Variants in PDE1C observed in about 807,000 individuals in gnomAD.
The protein encoded by PDE1C is phosphodiesterase 1C.
A neutral mutation model predicts 93.1 loss-of-function variants in PDE1C; 62 were observed. The observed-to-expected ratio is 0.67, with a 90% CI of 0.54 to 0.82. PDE1C has a LOEUF of 0.82. PDE1C is among the 40% of genes least tolerant of loss of function. PDE1C has a pLI of 0.00. For missense variants in PDE1C, 742 were observed against 884.6 expected (o/e 0.84, Z 2.04); for synonymous variants, 325 against 310.1 (o/e 1.05, Z -0.50).
intron 3 of PDE1C, among the ~76,000 whole-genome samples, chr7:32,101,193 A>G (rs186799365): frequency 2.4e-3 from 361 of 152,338 alleles, no homozygotes; most frequent in Middle Eastern, 6.8e-3. Flanking sequence ...TGTGACATCA[A>G]CCAGCAAAGT....
intron 2 of PDE1C, among the ~76,000 whole-genome samples, chr7:31,927,098 T>C (rs1452819206): frequency 6.6e-6 from 1 of 152,138 alleles, no homozygotes; most frequent in Non-Finnish European, 1.5e-5. Flanking sequence ...AATCTGAAGT[T>C]GACCTGGGAC....
chr7:32,117,819 A>G (rs1395556247), intron 3 of PDE1C, among the ~76,000 whole-genome samples: 1 of 152,198 alleles, frequency 6.6e-6, no homozygotes, highest in African/African-American at 2.4e-5. Flanking sequence ...GATAAATTAA[A>G]TTGGTCTCGT....
intron 3 of PDE1C, among the ~76,000 whole-genome samples, chr7:32,087,195 T>C (rs1797145862): frequency 6.8e-6 from 1 of 148,106 alleles, no homozygotes; most frequent in Non-Finnish European, 1.5e-5. Flanking sequence ...GCGAAGGATA[T>C]GAATAGAGAC....
chr7:31,643,676 A>G, the PDE1C span: 2 of 1,613,934 alleles, frequency 1.2e-6, no homozygotes, highest in African/African-American at 2.7e-5. Context: ...GCTCTAAGCA[A>G]CAAGACCTTG....
At chr7:32,003,066 T>G (rs1195911291) in intron 2 of PDE1C, among the ~76,000 whole-genome samples, 1 of 152,220 alleles carries the variant, frequency 6.6e-6, no homozygotes, top group Non-Finnish European at 1.5e-5. Flanking sequence ...TCATTCAATT[T>G]CATTTCTGCA....
chr7:31,631,712 G>A, the PDE1C span, among the ~76,000 whole-genome samples: 1 of 152,160 alleles, frequency 6.6e-6, no homozygotes, highest in African/African-American at 2.4e-5. Context: ...AGAATTCCTA[G>A]GCTGTAAGAC....
At chr7:32,179,495 G>A (rs536982884) in intron 2 of PDE1C, among the ~76,000 whole-genome samples, 5 of 152,082 alleles carry the variant, frequency 3.3e-5, no homozygotes, top group East Asian at 1.9e-4. Context: ...TCCTGACCTC[G>A]TGATCCGCCT....
intron 9 of PDE1C, among the ~76,000 whole-genome samples, chr7:31,839,087 A>G (rs2128769588): frequency 6.7e-6 from 1 of 148,478 alleles, no homozygotes; most frequent in Admixed American, 6.8e-5. Context: ...ACATGTAGAC[A>G]TACATAGATA....
At chr7:31,755,840 C>G (rs776073953) in intron 17 of PDE1C, among the ~76,000 whole-genome samples, 1 of 152,112 alleles carries the variant, frequency 6.6e-6, no homozygotes, top group African/African-American at 2.4e-5. Context: ...ATGGATTGGA[C>G]AAAGTGACAT....
At chr7:32,001,699 A>T (rs1785483549) in intron 2 of PDE1C, among the ~76,000 whole-genome samples, 1 of 152,190 alleles carries the variant, frequency 6.6e-6, no homozygotes, top group Admixed American at 6.5e-5. Context: ...AAGTAAAAAA[A>T]AAATTAGGGG....
intron 5 of PDE1C, among the ~76,000 whole-genome samples, chr7:31,876,274 T>C (rs181679645): frequency 1.3e-5 from 2 of 152,198 alleles, no homozygotes; most frequent in Non-Finnish European, 2.9e-5. Context: ...CAACAATATA[T>C]GTGAGGAGAA....
chr7:32,388,023 G>GT (rs1203192363), intron 1 of PDE1C, among the ~76,000 whole-genome samples: 3 of 152,210 alleles, frequency 2.0e-5, no homozygotes, highest in Non-Finnish European at 4.4e-5. Context: ...GTATGTAACA[G>GT]TTTAATGTTA....
In PDE1C at chr7:31,966,865, T is replaced by C. The variant is rs529240748; in HGVS notation, c.128+84689A>G. ...AACCTGCTCCTGAATGACTACTGGG[T>C]ACATAATGAAATGAAGGCAGAAATA... On this transcript the variant is annotated intron_variant, in intron 2 of 17. Transcript: ENST00000396191. 2.0e-5 allele frequency among the ~76,000 whole-genome samples: 3 copies of C among 152,180 alleles called. No individual in the cohort carries two copies. The East Asian group carries it at 5.8e-4, about 29-fold the overall frequency.
chr7:31,747,611 G>A (rs1056502078), downstream of PDE1C, among the ~76,000 whole-genome samples: 1 of 152,078 alleles, frequency 6.6e-6, no homozygotes, highest in African/African-American at 2.4e-5. Flanking sequence ...GGCCTACACT[G>A]GAGAACTTAC....
chr7:31,864,506 T>C (rs1795045792), intron 7 of PDE1C, among the ~76,000 whole-genome samples: 1 of 152,220 alleles, frequency 6.6e-6, no homozygotes, highest in South Asian at 2.1e-4. Flanking sequence ...TGTGAATAAC[T>C]ATAGTCCCTG....
intron 16 of PDE1C, chr7:31,786,429 T>TAGGGTA (rs1283289395): frequency 6.6e-6 from 1 of 152,186 alleles, no homozygotes; most frequent in Non-Finnish European, 1.5e-5. Flanking sequence ...TTTGTGTGAG[T>TAGGGTA]AGGGTATGCC....
chr7:31,769,802 T>G (rs931387440), intron 17 of PDE1C, among the ~76,000 whole-genome samples: 4 of 152,192 alleles, frequency 2.6e-5, no homozygotes, highest in African/African-American at 4.8e-5. Context: ...ACTAATGTAC[T>G]TTCTGTCTCT....
At chr7:32,356,818 T>C (rs1009423611) in intron 1 of PDE1C, among the ~76,000 whole-genome samples, 2 of 152,214 alleles carry the variant, frequency 1.3e-5, no homozygotes, top group Non-Finnish European at 2.9e-5. Flanking sequence ...TCTTTACAAA[T>C]GAACTATGAA....
chr7:31,835,576 C>A (rs547356665), intron 11 of PDE1C, among the ~76,000 whole-genome samples: 1 of 150,328 alleles, frequency 6.7e-6, no homozygotes, highest in African/African-American at 2.5e-5. Context: ...GCACCATAGA[C>A]AGAGTGAAGG....
Sources: allele counts gnomAD v4.1 joint callset (sites outside exome capture counted in the v4.1 genomes callset), GRCh38; gene constraint gnomAD v4.1.1; transcripts MANE v1.5; gene names NCBI Gene and HGNC (gene_info 2026-07-23, HGNC 2026-07-21).